The following PUS7 variants were observed in gnomAD, a reference collection of about 807,000 sequenced individuals.
PUS7 encodes pseudouridylate synthase 7 homolog.
PUS7 carries 48 observed loss-of-function variants against 79.8 expected under a neutral mutation model. The ratio of observed to expected loss-of-function variants is 0.60; its 90% CI spans 0.48 to 0.76. The LOEUF is 0.76. Ranked by LOEUF, PUS7 falls within the 30% of genes least tolerant of loss-of-function variation. The pLI, the probability that PUS7 is intolerant of heterozygous loss-of-function variation, is 0.00. For missense variants in PUS7, 729 were observed against 797.6 expected (o/e 0.91, Z 1.04); for synonymous variants, 286 against 272.2 (o/e 1.05, Z -0.50).
chr7:105,477,808 C>G lies in PUS7; in HGVS notation c.1175+3244G>C, dbSNP rs141177125. On this transcript the variant is annotated intron_variant, in intron 9 of 15. Coordinates refer to ENST00000469408, the MANE Select transcript of PUS7 (RefSeq NM_019042.5). ...ATTGGAAATTTCATAGAAATTGATT[C>G]ATTCATTCATTCACAGGCAGGGTCT... 2.6e-3 allele frequency among the ~76,000 whole-genome samples: 391 copies of G among 151,746 alleles called. 1 individual carries two copies. Among genetic ancestry groups the G allele is most frequent in the African/African-American group, 8.8e-3 (364 of 41,374 alleles).
At chr7:105,508,871 T>TAAAAAAAAAAAAAAAAAAAAAAAAAA in intron 1 of PUS7, among the ~76,000 whole-genome samples, 1 of 22,890 alleles carries the variant, frequency 4.4e-5, no homozygotes, top group Non-Finnish European at 8.0e-5. Flanking sequence ...GACATTGTCT[T>TAAAAAAAAAAAAAAAAAAAAAAAAAA]AAAAAAAAAA....
intron 4 of PUS7, 140 bp downstream of exon 4, chr7:105,505,815 T>C: frequency 1.6e-6 from 1 of 632,120 alleles, no homozygotes; most frequent in Non-Finnish European, 2.7e-6. Context: ...AAAAATTTTT[T>C]AGTGTAATAT....
Position 105,506,171 on chromosome 7 carries a change from C to G in PUS7, c.483+18G>C. On this transcript the variant is annotated intron_variant, in intron 3 of 15. Coordinates refer to ENST00000469408, the MANE Select transcript of PUS7 (RefSeq NM_019042.5). ...ATTTTTATACAGAAGGTGACATTTG[C>G]TAAAGAGCTACTTCTACCTCCTCAT... The G allele has an allele frequency of 1.3e-6, 2 of 1,597,932 alleles. No individual in the cohort carries two copies. The highest frequency in any genetic ancestry group is 1.7e-6 in the Non-Finnish European group (2 of 1,169,812).
chr7:105,516,544 C>A (rs1825902591), intron 1 of PUS7, among the ~76,000 whole-genome samples: 2 of 151,942 alleles, frequency 1.3e-5, no homozygotes, highest in Admixed American at 1.3e-4. Flanking sequence ...ACCTCCACCT[C>A]CCGGGTTCAA....
At chr7:105,505,794 T>C (rs1825431439) in intron 4 of PUS7, among the ~76,000 whole-genome samples, 161 bp downstream of exon 4, 1 of 152,214 alleles carries the variant, frequency 6.6e-6, no homozygotes, top group Non-Finnish European at 1.5e-5. Flanking sequence ...ACTAGTTATC[T>C]GCCCCAGTAA....
At chr7:105,479,451 A>G (rs1824230465) in intron 9 of PUS7, among the ~76,000 whole-genome samples, 1 of 152,196 alleles carries the variant, frequency 6.6e-6, no homozygotes, top group Non-Finnish European at 1.5e-5. Flanking sequence ...CTGAAAGACA[A>G]GGAAGAACAT....
chr7:105,479,126 A>G (rs1385899600), intron 9 of PUS7, among the ~76,000 whole-genome samples: 2 of 152,230 alleles, frequency 1.3e-5, no homozygotes, highest in East Asian at 3.8e-4. Context: ...AAATAGATGT[A>G]GCATAAACAT....
Position 105,456,686 on chromosome 7 carries a change from T to C in PUS7, c.*1104A>G, listed in dbSNP as rs921166438. ...AGAGAAGTTTATGCAATGCCAGACA[T>C]GGAAATACCAAAGCCACTGGTGACA... On this transcript the variant is annotated 3_prime_UTR_variant, in exon 16 of 16. Transcript: ENST00000469408. 1 of 152,166 alleles carries C rather than the reference T, an allele frequency of 6.6e-6. No individual in the cohort carries two copies. Among genetic ancestry groups the C allele is most frequent in the African/African-American group, 2.4e-5 (1 of 41,432 alleles). 9.4% of individuals were successfully genotyped at this position (152,166 alleles called of 1,614,324 possible). A position where few individuals can be genotyped will look rare whatever the true frequency, so the allele number is the denominator to read the frequency against.
In PUS7 at chr7:105,496,226, T is replaced by TAGAGAGAGAG. The variant is rs1220535538; in HGVS notation, c.731-983_731-974dup. Among the ~76,000 whole-genome samples the TAGAGAGAGAG allele has an allele frequency of 3.6e-4, 29 of 81,142 alleles. 1 individual carries two copies. The highest frequency in any genetic ancestry group is 1.2e-3 in the South Asian group (2 of 1,698). The allele number at this position is 81,142 out of a possible 152,430, so 53.2% of individuals were successfully genotyped here. A position where few individuals can be genotyped will look rare whatever the true frequency, so the allele number is the denominator to read the frequency against. On this transcript the variant is annotated intron_variant, in intron 5 of 15. Coordinates refer to ENST00000469408, the MANE Select transcript of PUS7 (RefSeq NM_019042.5). ...ATATATATATATATATATATATATA[T>TAGAGAGAGAG]AGAGAGAGAGAGAGAGAGAGAGAGA... is the stretch of plus-strand genomic sequence containing the variant.
intron 1 of PUS7, among the ~76,000 whole-genome samples, chr7:105,518,391 G>C (rs1825975033): frequency 6.7e-6 from 1 of 149,636 alleles, no homozygotes; most frequent in Non-Finnish European, 1.5e-5. Context: ...ACTAACAACA[G>C]TCTCTTGTTT....
chr7:105,474,612 CAA>C (rs10540161), intron 9 of PUS7, among the ~76,000 whole-genome samples: 6,594 of 126,262 alleles, frequency 0.052, 190 homozygotes, highest in East Asian at 0.093. Context: ...ACTAAAAATA[CAA>C]AAAAAAAAAA....
intron 5 of PUS7, chr7:105,496,971 T>C (rs1303973679): frequency 8.2e-7 from 1 of 1,218,722 alleles, no homozygotes; most frequent in East Asian, 6.0e-5. Context: ...AGTTCTGACC[T>C]CTGTCCAAAT....
intron 5 of PUS7, 32 bp from the exon 6 acceptor site, chr7:105,495,285 C>T (rs1323925269): frequency 8.1e-7 from 1 of 1,238,848 alleles, no homozygotes; most frequent in Non-Finnish European, 1.2e-6. Context: ...ATTATATATA[C>T]CATAATAAAA....
At chr7:105,521,245 A>C (rs752735848) in intron 1 of PUS7, among the ~76,000 whole-genome samples, 80 of 151,290 alleles carry the variant, frequency 5.3e-4, no homozygotes, top group South Asian at 5.1e-3. Flanking sequence ...GGGGGGAGGG[A>C]ACCTTAGTAA....
chr7:105,485,438 G>A (rs557143993), intron 7 of PUS7, among the ~76,000 whole-genome samples: 9 of 152,044 alleles, frequency 5.9e-5, no homozygotes, highest in African/African-American at 2.2e-4. Flanking sequence ...TTGAACTCCT[G>A]ACCTCAGGTG....
At chr7:105,458,747 G>C (rs1823294461) in intron 15 of PUS7, among the ~76,000 whole-genome samples, 4 of 151,770 alleles carry the variant, frequency 2.6e-5, no homozygotes, top group Non-Finnish European at 5.9e-5. Flanking sequence ...CTAATTTTTT[G>C]TATTTTTAGT....
At position 105,505,991 on chromosome 7, in the gene PUS7, C is replaced by G. The variant is rs138202206; in HGVS notation, c.549G>C (p.Gln183His). ...AEEKQRLEEL[Q>H]LFKNKETSVA... ...CACTGGTTTCCTTATTTTTGAACAG[C>G]TGGAGCTCTTCCAATCGCTGCTTTT... The change falls in exon 4 of 16, where the codon CAG becomes CAC. Residue 183 changes from glutamine (Q) to histidine (H), a missense_variant. Coordinates refer to ENST00000469408, the MANE Select transcript of PUS7 (RefSeq NM_019042.5). 9 of 1,613,720 alleles carry G rather than the reference C, an allele frequency of 5.6e-6. No individual in the cohort carries two copies. The African/African-American group carries it at 8.0e-5, about 14-fold the overall frequency.
At chr7:105,471,615 C>T (rs1207364631) in intron 10 of PUS7, among the ~76,000 whole-genome samples, 2 of 152,124 alleles carry the variant, frequency 1.3e-5, no homozygotes, top group Non-Finnish European at 2.9e-5. Flanking sequence ...AGCTCGAGAC[C>T]AGCCAGCAAC....
intron 12 of PUS7, among the ~76,000 whole-genome samples, chr7:105,466,528 C>A (rs749075354): frequency 1.3e-5 from 2 of 152,022 alleles, no homozygotes; most frequent in Non-Finnish European, 2.9e-5. Flanking sequence ...ACTGGGATTA[C>A]GGGTGTGAGC....
Sources: allele counts gnomAD v4.1 joint callset (sites outside exome capture counted in the v4.1 genomes callset), GRCh38; gene constraint gnomAD v4.1.1; transcripts MANE v1.5; gene names NCBI Gene and HGNC (gene_info 2026-07-23, HGNC 2026-07-21).